SFSWAP: variants seen among roughly 807,000 people sequenced by gnomAD.
SFSWAP encodes splicing factor SWAP, also known as splicing factor, suppressor of white-apricot homolog.
In SFSWAP, 17 loss-of-function variants were observed where a neutral mutation model predicts 100.7. The observed-to-expected ratio is 0.17, with a 90% CI of 0.12 to 0.25. SFSWAP has a LOEUF of 0.25. SFSWAP is among the 10% of genes least tolerant of loss of function. SFSWAP has a pLI of 1.00. For missense variants in SFSWAP, 1,005 were observed against 1,262.6 expected, an observed-to-expected ratio of 0.80 and a Z score of 3.09; for synonymous variants, 504 against 510.1, an observed-to-expected ratio of 0.99 and a Z score of 0.16.
chr12:131,753,956 C>T (rs1048563679), intron 8 of SFSWAP, among the ~76,000 whole-genome samples: 18 of 152,114 alleles, frequency 1.2e-4, no homozygotes, highest in Admixed American at 6.6e-4. Flanking sequence ...GAATGAAACA[C>T]GCGAGTTTCT....
chr12:131,740,733 A>G (rs1029114142), intron 7 of SFSWAP, among the ~76,000 whole-genome samples: 3 of 151,912 alleles, frequency 2.0e-5, no homozygotes, highest in Admixed American at 2.0e-4. Flanking sequence ...TTGCAGTGGT[A>G]TTGTTTGGAT....
chr12:131,769,733 TCTC>T (rs1373065023), intron 13 of SFSWAP, among the ~76,000 whole-genome samples: 2 of 152,090 alleles, frequency 1.3e-5, no homozygotes, highest in East Asian at 3.8e-4. Context: ...TTCACACCAT[TCTC>T]CTGCCTCAGC....
chr12:131,754,351 A>G lies in SFSWAP; in HGVS notation c.1323-17A>G, dbSNP rs1185678466. ...AGCCCCTGAAGCCCAGGGGTCTCAC[A>G]GACTCTTCTCCTGCAGTGCACTTGC... On this transcript the variant is annotated splice_polypyrimidine_tract_variant and intron_variant, in intron 8 of 17. Transcript: ENST00000261674. 6.6e-7 allele frequency: 1 copy of G among 1,516,022 alleles called. No individual in the cohort carries two copies. Among genetic ancestry groups the G allele is most frequent in the Non-Finnish European group, 8.8e-7 (1 of 1,132,148 alleles). The allele number at this position is 1,516,022 out of a possible 1,614,324, so 93.9% of individuals were successfully genotyped here.
chr12:131,783,260 T>C (rs1387179810), intron 14 of SFSWAP, among the ~76,000 whole-genome samples: 8 of 152,060 alleles, frequency 5.3e-5, no homozygotes, highest in Non-Finnish European at 1.2e-4. Context: ...TATCTGGTTC[T>C]CTATGTTAAT....
chr12:131,789,452 T>G (rs1337106676), intron 15 of SFSWAP, among the ~76,000 whole-genome samples: 1 of 152,026 alleles, frequency 6.6e-6, no homozygotes, highest in Non-Finnish European at 1.5e-5. Context: ...AGCTCAGGAG[T>G]TGGAGGCTGT....
intron 4 of SFSWAP, among the ~76,000 whole-genome samples, chr12:131,722,697 C>A (rs1344246855): frequency 3.3e-5 from 5 of 151,930 alleles, no homozygotes; most frequent in Non-Finnish European, 7.4e-5. Context: ...TCTGTGATCC[C>A]AGCACTTTGG....
intron 7 of SFSWAP, among the ~76,000 whole-genome samples, chr12:131,748,034 TCTGGATGC>T (rs1364068258): frequency 6.6e-6 from 1 of 152,170 alleles, no homozygotes; most frequent in African/African-American, 2.4e-5. Context: ...ACCATCTGAC[TCTGGATGC>T]CTGGAGAGCC....
intron 11 of SFSWAP, among the ~76,000 whole-genome samples, chr12:131,758,804 G>T (rs1310460814): frequency 6.6e-6 from 1 of 152,154 alleles, no homozygotes; most frequent in Non-Finnish European, 1.5e-5. Context: ...AAATGTAGCC[G>T]GGCATGGTGG....
intron 11 of SFSWAP, among the ~76,000 whole-genome samples, chr12:131,761,678 T>C (rs778291387): frequency 2.0e-5 from 3 of 152,214 alleles, no homozygotes; most frequent in Non-Finnish European, 2.9e-5. Context: ...ATGCTTTCCA[T>C]GTGCTGTGAC....
At chr12:131,795,581 C>T (rs1885579252) in intron 15 of SFSWAP, among the ~76,000 whole-genome samples, 1 of 152,042 alleles carries the variant, frequency 6.6e-6, no homozygotes, top group South Asian at 2.1e-4. Flanking sequence ...CAAGAATGTC[C>T]CAGATATCGG....
chr12:131,783,792 T>TTTTATATATA (rs1312028614), intron 14 of SFSWAP: 2 of 86,684 alleles, frequency 2.3e-5, no homozygotes, highest in East Asian at 5.6e-4. Flanking sequence ...AAAAAACATT[T>TTTTATATATA]TATATATATA....
chr12:131,722,379 T>C (rs2136183834), intron 4 of SFSWAP, among the ~76,000 whole-genome samples: 1 of 152,120 alleles, frequency 6.6e-6, no homozygotes, highest in South Asian at 2.1e-4. Flanking sequence ...CTGGGCAACA[T>C]AGTGAGATCC....
At chr12:131,772,234 T>C (rs1470837678) in intron 13 of SFSWAP, among the ~76,000 whole-genome samples, 1 of 152,242 alleles carries the variant, frequency 6.6e-6, no homozygotes, top group African/African-American at 2.4e-5. Context: ...GAGCCTTCTT[T>C]ACAACGTGCT....
chr12:131,738,375 A>C (rs926933190), intron 7 of SFSWAP, among the ~76,000 whole-genome samples: 1 of 152,252 alleles, frequency 6.6e-6, no homozygotes, highest in Non-Finnish European at 1.5e-5. Flanking sequence ...CACTGAGGTC[A>C]TCGTGCTAAA....
chr12:131,714,983 G>A lies in SFSWAP; in HGVS notation c.520+30G>A, dbSNP rs373845192. ...GTGGGGAGCTGCCTGGACTGCTGGT[G>A]TAGGGCTACACGTGTACGCACAGGC... On this transcript the variant is annotated intron_variant, in intron 3 of 17. Coordinates refer to ENST00000261674, the MANE Select transcript of SFSWAP (RefSeq NM_004592.4). The surrounding 1 kb of genome is among the most constrained non-coding windows in gnomAD (Gnocchi z 6.0). 6.2e-7 allele frequency: 1 copy of A among 1,612,838 alleles called. No individual in the cohort carries two copies. Among genetic ancestry groups the A allele is most frequent in the Non-Finnish European group, 8.5e-7 (1 of 1,179,640 alleles).
chr12:131,779,203 A>ATGAGTGTGTATGAAGAGGGCGGCGCGGG (rs1566051409), intron 14 of SFSWAP, among the ~76,000 whole-genome samples: 1 of 18,902 alleles, frequency 5.3e-5, no homozygotes, highest in Non-Finnish European at 2.0e-4. Flanking sequence ...GGCAGCGCGG[A>ATGAGTGTGTATGAAGAGGGCGGCGCGGG]TGAGTGTGTG....
chr12:131,763,610 T>C (rs1183720376), intron 11 of SFSWAP, among the ~76,000 whole-genome samples: 1 of 152,180 alleles, frequency 6.6e-6, no homozygotes, highest in African/African-American at 2.4e-5. Flanking sequence ...TTTGACATTT[T>C]CTTACAGGTG....
In SFSWAP at chr12:131,786,540, A is replaced by G; in HGVS notation, c.2486A>G (p.Tyr829Cys). 1 of 1,587,370 alleles carries G rather than the reference A, an allele frequency of 6.3e-7. No individual in the cohort carries two copies. Among genetic ancestry groups the G allele is most frequent in the Non-Finnish European group, 8.6e-7 (1 of 1,167,980 alleles). Reference sequence around the variant, plus strand: ...GAAGAGAGGAGTGTGCCCACTGCCTACCGCGTGAGCCGCAGCCCTGGGGCC... The same window carrying G: ...GAAGAGAGGAGTGTGCCCACTGCCTGCCGCGTGAGCCGCAGCCCTGGGGCC... Reference protein sequence around the residue: ...RREERSVPTAYRVSRSPGASR... With the variant: ...RREERSVPTACRVSRSPGASR... Residue 829 changes from tyrosine to cysteine, a missense_variant, in exon 15 of 18, where the codon TAC (tyrosine) becomes TGC (cysteine). Physicochemically the swap from Tyr to Cys is radical, Grantham distance 194. Around this residue, in one of 7 missense-constraint regions of SFSWAP, gnomAD observed 295 missense variants for 347.9 expected, o/e 0.85. Coordinates refer to ENST00000261674, the MANE Select transcript of SFSWAP (RefSeq NM_004592.4).
At chr12:131,782,286 C>G (rs2136264374) in intron 14 of SFSWAP, among the ~76,000 whole-genome samples, 1 of 152,310 alleles carries the variant, frequency 6.6e-6, no homozygotes, top group African/African-American at 2.4e-5. Context: ...AACCTGCCTC[C>G]TCCATCCAAG....
Sources: gnomAD v4.1 joint callset for allele counts (sites outside exome capture counted in the v4.1 genomes callset) on GRCh38, gnomAD v4.1.1 for gene constraint, gnomAD v4.1.1 regional missense constraint, Gnocchi (gnomAD v3.1) non-coding constraint, MANE v1.5 for transcripts, NCBI Gene and HGNC (gene_info 2026-07-23, HGNC 2026-07-21) for gene names.